Variants in RBFOX1 observed in about 807,000 individuals in gnomAD.
RBFOX1 encodes RNA binding fox-1 homolog 1.
A neutral mutation model predicts 57.7 loss-of-function variants in RBFOX1; 8 were observed. The observed-to-expected ratio is 0.14, with a 90% CI of 0.08 to 0.25. RBFOX1 has a LOEUF of 0.25. RBFOX1 is among the 10% of genes least tolerant of loss of function. RBFOX1 has a pLI of 1.00. For missense variants in RBFOX1, 611 were observed against 548.5 expected (o/e 1.11, Z -1.14); for synonymous variants, 326 against 222.4 (o/e 1.47, Z -4.15).
chr16:7,075,339 A>G (rs932700866), intron 4 of RBFOX1, among the ~76,000 whole-genome samples: 2 of 152,208 alleles, frequency 1.3e-5, no homozygotes, highest in African/African-American at 4.8e-5. Flanking sequence ...TGCCCAAAAG[A>G]ACTCTAGGAG....
intron 2 of RBFOX1, among the ~76,000 whole-genome samples, chr16:6,623,304 C>T (rs374570905): frequency 3.3e-5 from 5 of 152,132 alleles, no homozygotes; most frequent in African/African-American, 9.7e-5. Flanking sequence ...TTAGCTGTTT[C>T]AGTGACAGTG....
intron 1 of RBFOX1, among the ~76,000 whole-genome samples, chr16:5,286,027 C>G (rs1292465909): frequency 6.6e-6 from 1 of 152,160 alleles, no homozygotes; most frequent in Non-Finnish European, 1.5e-5. Flanking sequence ...ACATCGGCCT[C>G]CCAAAGTGCT....
intron 3 of RBFOX1, among the ~76,000 whole-genome samples, chr16:7,029,594 A>T (rs575273728): frequency 5.9e-5 from 9 of 152,246 alleles, no homozygotes; most frequent in African/African-American, 1.9e-4. Flanking sequence ...ACATGAGATC[A>T]TTAAGTATCA....
At chr16:5,322,591 T>C (rs1256309579) in intron 1 of RBFOX1, among the ~76,000 whole-genome samples, 1 of 152,180 alleles carries the variant, frequency 6.6e-6, no homozygotes, top group Non-Finnish European at 1.5e-5. Flanking sequence ...ATCCTCTTGC[T>C]CAAGCCCTTT....
chr16:6,963,260 G>T (rs77105068), intron 3 of RBFOX1, among the ~76,000 whole-genome samples: 1,729 of 152,196 alleles, frequency 0.011, 38 homozygotes, highest in African/African-American at 0.039. Flanking sequence ...CAAAAAGCTA[G>T]CCCATCTTAG....
chr16:6,809,974 T>C (rs1198362873), intron 3 of RBFOX1, among the ~76,000 whole-genome samples: 1 of 151,698 alleles, frequency 6.6e-6, no homozygotes, highest in Non-Finnish European at 1.5e-5. Flanking sequence ...TGATCAGACA[T>C]CTAGAGCTTG....
At chr16:7,002,737 A>G (rs183559283) in intron 3 of RBFOX1, among the ~76,000 whole-genome samples, 108 of 152,158 alleles carry the variant, frequency 7.1e-4, no homozygotes, top group Middle Eastern at 6.8e-3. Flanking sequence ...ACAAAAAACT[A>G]TTTTCAAATA....
At position 7,095,016 on chromosome 16, in the gene RBFOX1, TAC is replaced by T. The variant is rs1450108597; in HGVS notation, c.27+42920_27+42921del. On this transcript the variant is annotated intron_variant, in intron 4 of 15. Transcript: ENST00000550418. Reference sequence around the variant, plus strand: ...AATTGTGGAATAACCTTTTTACTCTTACAGAGTGATTTGCAATTCTGTTATTT... The same window carrying T: ...AATTGTGGAATAACCTTTTTACTCTTAGAGTGATTTGCAATTCTGTTATTT... 2.0e-5 allele frequency among the ~76,000 whole-genome samples: 3 copies of T among 152,342 alleles called. No individual in the cohort carries two copies. In the East Asian group the frequency reaches 5.8e-4, roughly 29 times the overall value.
intron 4 of RBFOX1, among the ~76,000 whole-genome samples, chr16:7,357,529 C>G (rs1435501528): frequency 6.6e-6 from 1 of 152,130 alleles, no homozygotes; most frequent in Non-Finnish European, 1.5e-5. Context: ...GAAATCCAAC[C>G]ACCTCCACCT....
At chr16:6,923,189 C>A (rs1019201785) in intron 3 of RBFOX1, among the ~76,000 whole-genome samples, 7 of 152,162 alleles carry the variant, frequency 4.6e-5, no homozygotes, top group African/African-American at 1.7e-4. Context: ...TGCTCCTGGT[C>A]TTCAGTTGCC....
At chr16:7,387,182 C>T (rs944313877) in intron 4 of RBFOX1, among the ~76,000 whole-genome samples, 1 of 152,134 alleles carries the variant, frequency 6.6e-6, no homozygotes, top group Non-Finnish European at 1.5e-5. Context: ...GTTGCTGAAA[C>T]AGGCAGTTTT....
intron 4 of RBFOX1, among the ~76,000 whole-genome samples, chr16:5,984,356 G>T (rs771221540): frequency 6.6e-6 from 1 of 151,166 alleles, no homozygotes; most frequent in Non-Finnish European, 1.5e-5. Flanking sequence ...TGCAGTAACC[G>T]ACTTTTCTAA....
intron 4 of RBFOX1, among the ~76,000 whole-genome samples, chr16:7,103,451 C>G (rs1237380051): frequency 1.3e-5 from 2 of 152,072 alleles, no homozygotes; most frequent in African/African-American, 2.4e-5. Context: ...ACCTTCAGTC[C>G]TGCTGAATTT....
chr16:6,310,377 T>C (rs2080105987), intron 1 of RBFOX1, among the ~76,000 whole-genome samples: 1 of 152,246 alleles, frequency 6.6e-6, no homozygotes, highest in Admixed American at 6.5e-5. Context: ...ATGATCTTAT[T>C]GCCTTGGCAA....
intron 2 of RBFOX1, among the ~76,000 whole-genome samples, chr16:6,490,325 C>G (rs995217224): frequency 2.0e-5 from 3 of 152,166 alleles, no homozygotes; most frequent in Non-Finnish European, 4.4e-5. Context: ...TAGAGAGCGT[C>G]AATGAACTTC....
chr16:7,298,332 G>C (rs1053493557), intron 4 of RBFOX1, among the ~76,000 whole-genome samples: 1 of 144,240 alleles, frequency 6.9e-6, no homozygotes, highest in Admixed American at 7.1e-5. Flanking sequence ...TTTTGCCCAG[G>C]CTCTGGAGTG....
intron 4 of RBFOX1, among the ~76,000 whole-genome samples, chr16:7,219,230 A>G (rs777034704): frequency 9.9e-5 from 15 of 152,214 alleles, no homozygotes; most frequent in Non-Finnish European, 2.9e-5. Context: ...TGCTCTACCA[A>G]TTAACACCAC....
chr16:7,137,286 C>G (rs2072296729), intron 4 of RBFOX1, among the ~76,000 whole-genome samples: 1 of 152,154 alleles, frequency 6.6e-6, no homozygotes, highest in African/African-American at 2.4e-5. Flanking sequence ...TACGGTTTGG[C>G]TGTGTCCCCA....
intron 2 of RBFOX1, among the ~76,000 whole-genome samples, chr16:6,358,367 G>T (rs1445535475): frequency 6.6e-6 from 1 of 152,166 alleles, no homozygotes; most frequent in East Asian, 1.9e-4. Flanking sequence ...TTCTCTTCAT[G>T]TAAGGAGGTG....
Sources: gnomAD v4.1 joint callset for allele counts (sites outside exome capture counted in the v4.1 genomes callset) on GRCh38, gnomAD v4.1.1 for gene constraint, MANE v1.5 for transcripts, NCBI Gene and HGNC (gene_info 2026-07-23, HGNC 2026-07-21) for gene names.